Variants in NRG1 observed in about 807,000 individuals in gnomAD.
NRG1 encodes neuregulin 1.
NRG1 carries 18 observed loss-of-function variants against 63.8 expected under a neutral mutation model. The observed-to-expected ratio is 0.28, with a 90% CI of 0.19 to 0.42. The LOEUF is 0.42. NRG1 is among the 10% of genes least tolerant of loss of function. The pLI is 1.00. For missense variants in NRG1, 762 were observed against 814.7 expected (o/e 0.94, Z 0.79); for synonymous variants, 302 against 301.3 (o/e 1.00, Z -0.02).
At chr8:32,457,141 T>A (rs189002683) in intron 1 of NRG1, among the ~76,000 whole-genome samples, 52 of 151,982 alleles carry the variant, frequency 3.4e-4, no homozygotes, top group African/African-American at 1.1e-3. Context: ...AAAAAATAAA[T>A]AAATAAATAA....
chr8:32,551,537 A>G, intron 1 of NRG1, among the ~76,000 whole-genome samples: 1 of 152,190 alleles, frequency 6.6e-6, no homozygotes, highest in Non-Finnish European at 1.5e-5. Flanking sequence ...CAGGGGGAAA[A>G]GGCTTCTTTA....
At chr8:32,288,325 T>G (rs1853786434) in intron 1 of NRG1, among the ~76,000 whole-genome samples, 1 of 152,192 alleles carries the variant, frequency 6.6e-6, no homozygotes, top group Non-Finnish European at 1.5e-5. Flanking sequence ...ATTCTCAGAA[T>G]TGTTTCATGA....
At chr8:32,747,872 G>T (rs925540351) in intron 7 of NRG1, among the ~76,000 whole-genome samples, 1 of 151,752 alleles carries the variant, frequency 6.6e-6, no homozygotes, top group African/African-American at 2.4e-5. Context: ...TACAGTAAAT[G>T]GCCCAGGGTA....
chr8:32,521,030 ATTG>A (rs1563578189), intron 1 of NRG1, among the ~76,000 whole-genome samples: 2 of 152,114 alleles, frequency 1.3e-5, no homozygotes, highest in Non-Finnish European at 2.9e-5. Flanking sequence ...TATTATTATT[ATTG>A]TTCTTTTTTA....
intron 1 of NRG1, among the ~76,000 whole-genome samples, chr8:31,873,384 C>A (rs1176092700): frequency 6.6e-6 from 1 of 152,056 alleles, no homozygotes; most frequent in East Asian, 1.9e-4. Context: ...CATGGTGAAA[C>A]CCCGTCTCTA....
intron 1 of NRG1, among the ~76,000 whole-genome samples, chr8:32,187,456 CT>C (rs1842075852): frequency 6.6e-6 from 1 of 152,088 alleles, no homozygotes; most frequent in Non-Finnish European, 1.5e-5. Flanking sequence ...CCTATAGTTT[CT>C]GAATAAAAGA....
At chr8:31,753,967 A>G (rs1334665053) in intron 1 of NRG1, among the ~76,000 whole-genome samples, 1 of 152,136 alleles carries the variant, frequency 6.6e-6, no homozygotes, top group African/African-American at 2.4e-5. Flanking sequence ...ACATCCTTCT[A>G]GGTACTTAGC....
At chr8:32,756,443 C>G in exon 9 of NRG1, 1 of 1,613,826 alleles carries the variant, frequency 6.2e-7, no homozygotes, top group Non-Finnish European at 8.5e-7. Context: ...TCGGCAGAGC[C>G]TTCGGTCTGA....
chr8:32,516,432 A>G (rs533276922), intron 1 of NRG1, among the ~76,000 whole-genome samples: 2 of 152,250 alleles, frequency 1.3e-5, no homozygotes, highest in African/African-American at 4.8e-5. Context: ...GATCCATATG[A>G]ATTTTAGAAT....
chr8:32,772,045 ATATATATATATATATATATATAT>A (rs1831855655), downstream of NRG1, among the ~76,000 whole-genome samples: 2 of 1,808 alleles, frequency 1.1e-3, 1 homozygote, highest in Non-Finnish European at 2.9e-3. Context: ...AAATATGTAT[ATATATATATATATATATATATAT>A]ATATATATAT....
intron 1 of NRG1, among the ~76,000 whole-genome samples, chr8:31,987,320 A>ATGTGTGTG (rs545275263): frequency 0.031 from 3,902 of 125,732 alleles, 110 homozygotes; most frequent in African/African-American, 0.061. Flanking sequence ...AAACATATAT[A>ATGTGTGTG]TGTGTGTGTG....
chr8:32,633,213 CTTTCT>C (rs1467690246), intron 5 of NRG1, among the ~76,000 whole-genome samples: 1 of 151,994 alleles, frequency 6.6e-6, no homozygotes, highest in Admixed American at 6.6e-5. Flanking sequence ...TGTATTAATG[CTTTCT>C]TTTATTTATT....
At chr8:32,657,154 A>G (rs573825059) in intron 5 of NRG1, among the ~76,000 whole-genome samples, 58 of 152,020 alleles carry the variant, frequency 3.8e-4, no homozygotes, top group African/African-American at 1.3e-3. Flanking sequence ...AACACTGAAG[A>G]CAATGATAGT....
intron 1 of NRG1, among the ~76,000 whole-genome samples, chr8:31,663,576 C>G (rs572175240): frequency 9.9e-5 from 15 of 152,228 alleles, no homozygotes; most frequent in African/African-American, 3.6e-4. Flanking sequence ...TCCTACTGCA[C>G]CCAAAAGGGT....
intron 1 of NRG1, among the ~76,000 whole-genome samples, chr8:32,178,325 C>A (rs1020295127): frequency 6.6e-6 from 1 of 152,022 alleles, no homozygotes; most frequent in African/African-American, 2.4e-5. Context: ...GAAAGACCAC[C>A]CTGGTCAGGC....
chr8:32,750,588 C>T (rs1008851594), intron 7 of NRG1, among the ~76,000 whole-genome samples: 1 of 151,758 alleles, frequency 6.6e-6, no homozygotes, highest in African/African-American at 2.4e-5. Flanking sequence ...CAGCTGCTGC[C>T]TTCTTTTGGA....
chr8:31,661,336 G>T (rs772609305), intron 1 of NRG1, among the ~76,000 whole-genome samples: 1 of 152,098 alleles, frequency 6.6e-6, no homozygotes, highest in African/African-American at 2.4e-5. Flanking sequence ...AGCTTATGAA[G>T]GTCTGGTCCT....
rs1431744619 is a variant in NRG1 at position 32,605,445 on chromosome 8, A to G, written c.279-117A>G. 3 of 1,128,764 alleles carry G rather than the reference A, an allele frequency of 2.7e-6. No individual in the cohort carries two copies. The African/African-American group carries it at 4.7e-5, about 18-fold the overall frequency. 69.9% of individuals were successfully genotyped at this position (1,128,764 alleles called of 1,614,324 possible). Reference sequence around the variant, plus strand: ...AATGTAACGGAAGTTGTATTTTAACATATGTATAAGGTGGGGAGAGGCAGT... The same window carrying G: ...AATGTAACGGAAGTTGTATTTTAACGTATGTATAAGGTGGGGAGAGGCAGT... On this transcript the variant is annotated intron_variant, in intron 2 of 11. Coordinates refer to ENST00000356819, the Ensembl canonical transcript of NRG1.
At chr8:32,382,160 T>C (rs1810438043) in intron 1 of NRG1, among the ~76,000 whole-genome samples, 1 of 152,218 alleles carries the variant, frequency 6.6e-6, no homozygotes, top group South Asian at 2.1e-4. Context: ...TGATCATTTC[T>C]AATCTTATGC....
Sources: gnomAD v4.1 joint callset for allele counts (sites outside exome capture counted in the v4.1 genomes callset) on GRCh38, gnomAD v4.1.1 for gene constraint, MANE v1.5 for transcripts, NCBI Gene and HGNC (gene_info 2026-07-23, HGNC 2026-07-21) for gene names.